CNOT8: variants seen among roughly 807,000 people sequenced by gnomAD.
CNOT8 encodes CAF1-like protein.
A neutral mutation model predicts 34.6 loss-of-function variants in CNOT8; 18 were observed. The observed-to-expected ratio is 0.52, with a 90% confidence interval of 0.36 to 0.77. CNOT8 has a LOEUF of 0.77. Among genes scored for constraint, CNOT8 ranks in the 30% least tolerant of loss-of-function variants. The probability of loss-of-function intolerance (pLI) is 0.00; values close to 1 mark genes in which losing one functional copy is unlikely to be tolerated. For missense variants in CNOT8, 189 were observed against 347.9 expected, an observed-to-expected ratio of 0.54 and a Z score of 3.63; for synonymous variants, 101 against 118.8, an observed-to-expected ratio of 0.85 and a Z score of 0.98.
chr5:154,875,077 C>A (rs542763519), intron 6 of CNOT8, among the ~76,000 whole-genome samples: 5 of 151,688 alleles, frequency 3.3e-5, no homozygotes, highest in Non-Finnish European at 5.9e-5. Flanking sequence ...CCACCATGCC[C>A]GGCTCATTTT....
chr5:154,870,289 A>G (rs1246885565), intron 3 of CNOT8, among the ~76,000 whole-genome samples: 2 of 149,782 alleles, frequency 1.3e-5, no homozygotes, highest in Admixed American at 6.6e-5. Context: ...TCACTCTGTC[A>G]CCCAGGCTGG....
intron 1 of CNOT8, among the ~76,000 whole-genome samples, chr5:154,860,114 T>C (rs1403795367): frequency 6.6e-6 from 1 of 152,198 alleles, no homozygotes; most frequent in Non-Finnish European, 1.5e-5. Flanking sequence ...AGATAAGTAA[T>C]TAGATTACCT....
In CNOT8 at chr5:154,876,166, TG is replaced by T. The variant is rs1762910513; in HGVS notation, c.*728del. Reference sequence around the variant, plus strand: ...TGTGTTCCATTGTGCCATTCAGGTTTGCTGTCACATATGCATCATCTGAAAT... The same window carrying T: ...TGTGTTCCATTGTGCCATTCAGGTTTCTGTCACATATGCATCATCTGAAAT... On this transcript the variant is annotated 3_prime_UTR_variant, in exon 7 of 7. Coordinates refer to ENST00000285896, the MANE Select transcript of CNOT8 (RefSeq NM_001301073.2). The T allele has an allele frequency of 1.3e-5, 2 of 152,262 alleles. No individual in the cohort carries two copies. Among genetic ancestry groups the T allele is most frequent in the Admixed American group, 6.5e-5 (1 of 15,282 alleles). The allele number at this position is 152,262 out of a possible 1,614,324, so 9.4% of individuals were successfully genotyped here. A position where few individuals can be genotyped will look rare whatever the true frequency, so the allele number is the denominator to read the frequency against.
intron 2 of CNOT8, 92 bp from the exon 3 acceptor site, chr5:154,865,100 T>C: frequency 1.8e-6 from 2 of 1,125,202 alleles, no homozygotes; most frequent in Non-Finnish European, 2.5e-6. Context: ...ACATAACTTT[T>C]ATAAATGGAG....
rs1284824103 is a variant in CNOT8 at position 154,876,163 on chromosome 5, G to A, written c.*724G>A. ...GTCTGTGTTCCATTGTGCCATTCAGGTTTGCTGTCACATATGCATCATCTG... is the reference window on the plus strand; with the variant it reads ...GTCTGTGTTCCATTGTGCCATTCAGATTTGCTGTCACATATGCATCATCTG... On this transcript the variant is annotated 3_prime_UTR_variant, in exon 7 of 7. Coordinates refer to ENST00000285896, the MANE Select transcript of CNOT8 (RefSeq NM_001301073.2). The A allele has an allele frequency of 6.6e-6, 1 of 152,182 alleles. No homozygotes were observed. The highest frequency in any genetic ancestry group is 6.5e-5 in the Admixed American group (1 of 15,270). The allele number at this position is 152,182 out of a possible 1,614,324, so 9.4% of individuals were successfully genotyped here. A position where few individuals can be genotyped will look rare whatever the true frequency, so the allele number is the denominator to read the frequency against.
rs149227642 is a variant in CNOT8, at chr5:154,865,446, G to A, written c.311+61G>A. The A allele has an allele frequency of 4.8e-4, 598 of 1,255,978 alleles. 3 individuals carry two copies. The African/African-American group carries it at 8.3e-3, about 17-fold the overall frequency. 77.8% of individuals were successfully genotyped at this position (1,255,978 alleles called of 1,614,324 possible). A position where few individuals can be genotyped will look rare whatever the true frequency, so the allele number is the denominator to read the frequency against. The stretch of plus-strand genomic sequence containing the variant: ...TTTTGTTTTCACTGAATCCAGGTGG[G>A]TGTTGGATAGAGCGGTCAAGCAGAG... On this transcript the variant is annotated intron_variant, in intron 3 of 6. Transcript: ENST00000285896.
chr5:154,858,779 C>T lies in CNOT8; in HGVS notation c.-73+11C>T, dbSNP rs1761041863. On this transcript the variant is annotated intron_variant, in intron 1 of 6. Coordinates refer to ENST00000285896, the MANE Select transcript of CNOT8 (RefSeq NM_001301073.2). ...GCCCTGTCGGTCCCGGTAAGCGGGC[C>T]TGCGCTTACCGGAAAGAGGAGCGTA... 1 of 151,358 alleles carries T rather than the reference C, an allele frequency of 6.6e-6. No individual in the cohort carries two copies. The allele number at this position is 151,358 out of a possible 1,614,324, so 9.4% of individuals were successfully genotyped here. A position where few individuals can be genotyped will look rare whatever the true frequency, so the allele number is the denominator to read the frequency against.
chr5:154,875,093 T>G (rs1005596976), intron 6 of CNOT8, among the ~76,000 whole-genome samples, 197 bp from the exon 7 acceptor site: 2 of 152,024 alleles, frequency 1.3e-5, no homozygotes, highest in Admixed American at 6.6e-5. Flanking sequence ...ATTTTTGTAC[T>G]TTTAGTAGAG....
intron 6 of CNOT8, among the ~76,000 whole-genome samples, chr5:154,875,001 C>T (rs969835440): frequency 1.3e-5 from 2 of 151,414 alleles, no homozygotes; most frequent in South Asian, 4.2e-4. Flanking sequence ...ACTGCACCCT[C>T]TGCCTCCTGG....
At chr5:154,858,596 C>T (rs917376848), upstream of CNOT8, 3 of 152,302 alleles carry the variant, frequency 2.0e-5, no homozygotes, top group African/African-American at 7.2e-5. Context: ...TAAGACCGCT[C>T]TGGGCACGGG....
At chr5:154,871,676 A>G (rs1486717944) in intron 4 of CNOT8, 54 bp from the exon 5 acceptor site, 2 of 1,573,538 alleles carry the variant, frequency 1.3e-6, no homozygotes, top group South Asian at 1.1e-5. Context: ...ATGGTTGAAC[A>G]CTGGGGCCTG....
intron 3 of CNOT8, 75 bp downstream of exon 3, chr5:154,865,460 G>A (rs915564667): frequency 9.7e-6 from 10 of 1,028,434 alleles, no homozygotes; most frequent in Admixed American, 6.4e-5. Flanking sequence ...TGGATAGAGC[G>A]GTCAAGCAGA....
At chr5:154,859,079 G>T (rs1369444002) in intron 1 of CNOT8, 1 of 152,216 alleles carries the variant, frequency 6.6e-6, no homozygotes, top group African/African-American at 2.4e-5. Flanking sequence ...AATAGATTAA[G>T]TGGCTTATGC....
chr5:154,876,771 G>T lies in CNOT8; in HGVS notation c.*1332G>T, dbSNP rs1762949727. ...TATGTTTTTAATTTTGTAAAATAAA[G>T]ATTTCTTTTTAACCACTGGCATTAA... On this transcript the variant is annotated 3_prime_UTR_variant, in exon 7 of 7. Transcript: ENST00000285896. 1.3e-5 allele frequency: 2 copies of T among 152,590 alleles called. No homozygotes were observed. The highest frequency in any genetic ancestry group is 4.8e-5 in the African/African-American group (2 of 41,448). The allele number at this position is 152,590 out of a possible 1,614,324, so 9.5% of individuals were successfully genotyped here.
At chr5:154,871,559 CAAAAAAA>C (rs372899952) in intron 4 of CNOT8, among the ~76,000 whole-genome samples, 164 bp from the exon 5 acceptor site, 2 of 55,446 alleles carry the variant, frequency 3.6e-5, no homozygotes, top group East Asian at 1.3e-3. Flanking sequence ...GACTCTGTCT[CAAAAAAA>C]AAAAAAAAAA....
In CNOT8 at chr5:154,870,407, AATAATGAGCAAAT is replaced by A. The variant is rs1762382862; in HGVS notation, c.312-253_312-241del. On this transcript the variant is annotated intron_variant, in intron 3 of 6. Coordinates refer to ENST00000285896, the MANE Select transcript of CNOT8 (RefSeq NM_001301073.2). Reference sequence around the variant, plus strand: ...TGTTATTGGTTTTTTTTTTTTTTTAAATAATGAGCAAATGTATACCTATTATAATTAGGAAATT... The same window carrying A: ...TGTTATTGGTTTTTTTTTTTTTTTAAGTATACCTATTATAATTAGGAAATT... 24 of 252,574 alleles carry A rather than the reference AATAATGAGCAAAT, an allele frequency of 9.5e-5. No homozygotes were observed. In the South Asian group the frequency reaches 1.4e-3, roughly 15 times the overall value. The allele number at this position is 252,574 out of a possible 1,614,324, so 15.6% of individuals were successfully genotyped here. A position where few individuals can be genotyped will look rare whatever the true frequency, so the allele number is the denominator to read the frequency against.
intron 1 of CNOT8, among the ~76,000 whole-genome samples, chr5:154,860,855 T>C (rs1405250779): frequency 6.6e-6 from 1 of 152,064 alleles, no homozygotes; most frequent in Non-Finnish European, 1.5e-5. Flanking sequence ...TGTATAACAG[T>C]GGTTAGCTTT....
chr5:154,865,662 C>T (rs1286558027), intron 3 of CNOT8, among the ~76,000 whole-genome samples: 1 of 152,092 alleles, frequency 6.6e-6, no homozygotes, highest in Non-Finnish European at 1.5e-5. Flanking sequence ...CAAATTAAAC[C>T]CACATTGGGA....
At chr5:154,860,016 C>G (rs974347071) in intron 1 of CNOT8, 4 of 152,170 alleles carry the variant, frequency 2.6e-5, no homozygotes, top group Non-Finnish European at 4.4e-5. Flanking sequence ...AGGTGCAACG[C>G]TTGAGATTAG....
Sources: allele counts gnomAD v4.1 joint callset (sites outside exome capture counted in the v4.1 genomes callset), GRCh38; gene constraint gnomAD v4.1.1; transcripts MANE v1.5; gene names NCBI Gene and HGNC (gene_info 2026-07-23, HGNC 2026-07-21).